Variants in PTK2 observed in about 807,000 individuals in gnomAD.
The protein encoded by PTK2 is focal adhesion kinase 1.
Under a neutral mutation model 150.1 loss-of-function variants are expected in PTK2, and 45 were observed. The ratio of observed to expected loss-of-function variants is 0.30; its 90% CI spans 0.24 to 0.38. The LOEUF (loss-of-function observed/expected upper bound fraction) is 0.38. Ranked by LOEUF, PTK2 falls within the 10% of genes least tolerant of loss-of-function variation. PTK2 has a pLI of 1.00. For missense variants in PTK2, 919 were observed against 1,307.3 expected (o/e 0.70, Z 4.58); for synonymous variants, 432 against 449.2 (o/e 0.96, Z 0.48).
intron 7 of PTK2, among the ~76,000 whole-genome samples, chr8:140,838,526 A>G (rs1018276022): frequency 2.0e-5 from 3 of 152,152 alleles, no homozygotes; most frequent in Non-Finnish European, 2.9e-5. Context: ...TAATAGTTAC[A>G]TTTTCTCTGT....
exon 11 of PTK2, chr8:140,803,580 T>C: frequency 1.2e-6 from 2 of 1,614,002 alleles, no homozygotes; most frequent in Non-Finnish European, 1.7e-6. Context: ...TAGCATTCCT[T>C]TTCTGTCCTT....
chr8:140,980,661 A>G (rs2100191068), intron 1 of PTK2, among the ~76,000 whole-genome samples: 1 of 151,894 alleles, frequency 6.6e-6, no homozygotes, highest in Admixed American at 6.6e-5. Context: ...AACAGACAAA[A>G]CACGAAGAAA....
intron 14 of PTK2, among the ~76,000 whole-genome samples, chr8:140,781,488 G>A (rs2100081668): frequency 6.6e-6 from 1 of 152,138 alleles, no homozygotes; most frequent in Non-Finnish European, 1.5e-5. Flanking sequence ...GGCTGCTTGG[G>A]AGAAGATGGG....
At chr8:140,994,325 T>G (rs574960945) in intron 1 of PTK2, among the ~76,000 whole-genome samples, 16 of 152,324 alleles carry the variant, frequency 1.1e-4, no homozygotes, top group African/African-American at 3.4e-4. Context: ...AAGCTACAAT[T>G]AACAGCATTT....
intron 14 of PTK2, among the ~76,000 whole-genome samples, chr8:140,784,152 G>A (rs1027774446): frequency 1.3e-5 from 2 of 152,056 alleles, no homozygotes; most frequent in African/African-American, 4.8e-5. Flanking sequence ...GTGACAAAGT[G>A]GGGGGAAAAA....
chr8:140,850,098 C>CA (rs148823429), intron 5 of PTK2, among the ~76,000 whole-genome samples: 41,643 of 150,388 alleles, frequency 0.28, 6,041 homozygotes, highest in Admixed American at 0.38. Flanking sequence ...AAGATCCTTC[C>CA]AAAAAAAAAG....
intron 1 of PTK2, among the ~76,000 whole-genome samples, chr8:140,957,252 G>A (rs11997937): frequency 0.42 from 63,801 of 151,756 alleles, 15,240 homozygotes; most frequent in Non-Finnish European, 0.55. Context: ...TGGGCAACAT[G>A]GTGAAACCCT....
Position 140,759,867 on chromosome 8 carries a change from A to ACACT in PTK2, c.1332+1297_1332+1298insAGTG, listed in dbSNP as rs530712585. ...CTCACCCACACACACACACACACAC[A>ACACT]AACAATAGTTACCATATGATGAAGC... is the stretch of plus-strand genomic sequence containing the variant. On this transcript the variant is annotated intron_variant, in intron 16 of 31. Transcript: ENST00000522684. 2.1e-3 allele frequency among the ~76,000 whole-genome samples: 321 copies of ACACT among 151,784 alleles called. 1 individual carries two copies. Among genetic ancestry groups the ACACT allele is most frequent in the African/African-American group, 6.8e-3 (281 of 41,414 alleles).
intron 29 of PTK2, among the ~76,000 whole-genome samples, chr8:140,670,488 A>ACACACAC (rs751260741): frequency 2.6e-5 from 1 of 38,978 alleles, no homozygotes; most frequent in Non-Finnish European, 5.4e-5. Context: ...AAAAAACAAC[A>ACACACAC]ACACACACAC....
intron 1 of PTK2, among the ~76,000 whole-genome samples, chr8:140,998,541 A>G (rs536197339): frequency 8.5e-5 from 13 of 152,136 alleles, no homozygotes; most frequent in East Asian, 5.8e-4. Context: ...TCTTCAGGCC[A>G]GGCGCAGTGG....
chr8:140,959,486 C>T (rs1419141716), intron 1 of PTK2, among the ~76,000 whole-genome samples: 5 of 141,748 alleles, frequency 3.5e-5, no homozygotes, highest in Non-Finnish European at 7.5e-5. Context: ...TTGCAGTGAG[C>T]GGAGATCACG....
chr8:140,803,799 C>G (rs147860577), intron 10 of PTK2, 149 bp from the exon 11 acceptor site: 1 of 698,752 alleles, frequency 1.4e-6, no homozygotes, highest in Admixed American at 2.7e-5. Context: ...CCATGCTGCC[C>G]CAGGGGAGCA....
At chr8:140,798,694 T>A (rs1039754548) in intron 12 of PTK2, among the ~76,000 whole-genome samples, 1 of 152,158 alleles carries the variant, frequency 6.6e-6, no homozygotes, top group African/African-American at 2.4e-5. Context: ...AAACTGAAGA[T>A]AAAAGATGAA....
intron 4 of PTK2, among the ~76,000 whole-genome samples, chr8:140,873,460 G>A (rs2100143734): frequency 1.7e-5 from 2 of 119,822 alleles, no homozygotes; most frequent in Admixed American, 7.8e-5. Context: ...TGAAGTGTCT[G>A]CAATTTTTTT....
intron 21 of PTK2, among the ~76,000 whole-genome samples, chr8:140,737,962 G>C (rs1225346557): frequency 2.0e-5 from 3 of 152,034 alleles, no homozygotes; most frequent in African/African-American, 7.3e-5. Flanking sequence ...CCTTTACCTA[G>C]TTATCTATGG....
At chr8:141,000,089 A>ACACACACACACACACACACGCGCGCGCG (rs2100199436) in intron 1 of PTK2, among the ~76,000 whole-genome samples, 2 of 137,982 alleles carry the variant, frequency 1.4e-5, no homozygotes, top group African/African-American at 5.8e-5. Flanking sequence ...AAACCAATTC[A>ACACACACACACACACACACGCGCGCGCG]CACACACACA....
chr8:140,939,681 C>T (rs1172234504), intron 1 of PTK2, among the ~76,000 whole-genome samples: 1 of 152,096 alleles, frequency 6.6e-6, no homozygotes, highest in Middle Eastern at 3.2e-3. Context: ...TTTTTTATTT[C>T]AAAGCTGTTG....
At chr8:140,807,575 C>A (rs2100098819) in intron 10 of PTK2, among the ~76,000 whole-genome samples, 1 of 152,204 alleles carries the variant, frequency 6.6e-6, no homozygotes, top group African/African-American at 2.4e-5. Context: ...GGAAGCCACA[C>A]ACAGCTATGG....
chr8:140,960,654 A>G (rs2100182833), intron 1 of PTK2, among the ~76,000 whole-genome samples: 1 of 152,216 alleles, frequency 6.6e-6, no homozygotes, highest in Non-Finnish European at 1.5e-5. Context: ...TCATTGCCAC[A>G]TACAGAATCA....
Sources: allele counts gnomAD v4.1 joint callset (sites outside exome capture counted in the v4.1 genomes callset), GRCh38; gene constraint gnomAD v4.1.1; transcripts MANE v1.5; gene names NCBI Gene and HGNC (gene_info 2026-07-23, HGNC 2026-07-21).